ITPR2: variants seen among roughly 807,000 people sequenced by gnomAD.
ITPR2 encodes inositol 1,4,5-trisphosphate-gated calcium channel ITPR2.
ITPR2 carries 207 observed loss-of-function variants against 317.1 expected under a neutral mutation model. The ratio of observed to expected loss-of-function variants is 0.65; its 90% CI spans 0.58 to 0.73. The LOEUF is 0.73. Ranked by LOEUF, ITPR2 falls within the 30% of genes least tolerant of loss-of-function variation. ITPR2 has a pLI of 0.00. For missense variants in ITPR2, 2,613 were observed against 3,284.0 expected (o/e 0.80, Z 4.99); for synonymous variants, 1,156 against 1,149.1 (o/e 1.01, Z -0.12).
intron 34 of ITPR2, among the ~76,000 whole-genome samples, chr12:26,562,942 A>G (rs1261899245): frequency 6.6e-6 from 1 of 152,040 alleles, no homozygotes; most frequent in Non-Finnish European, 1.5e-5. Context: ...ATAACACAAA[A>G]CATGAAGAAA....
intron 9 of ITPR2, among the ~76,000 whole-genome samples, chr12:26,697,638 G>A (rs1478691637): frequency 1.1e-4 from 16 of 151,942 alleles, no homozygotes; most frequent in African/African-American, 2.9e-4. Flanking sequence ...GTAAGACCCC[G>A]TCTCTACTAA....
intron 54 of ITPR2, among the ~76,000 whole-genome samples, chr12:26,397,718 T>G (rs765242531): frequency 3.3e-4 from 50 of 152,124 alleles, no homozygotes; most frequent in Non-Finnish European, 6.0e-4. Flanking sequence ...TCAACAAAAG[T>G]TGAAGCAAGG....
In ITPR2 at chr12:26,790,142, A is replaced by G. The variant is rs1267982211; in HGVS notation, c.163+15T>C. On this transcript the variant is annotated intron_variant, in intron 2 of 56. Transcript: ENST00000381340. ...TCTTAGCTCACACAATTAAAAAAAT[A>G]TATGTATTTCTTACCTCTGAACTTC... 1.9e-6 allele frequency: 3 copies of G among 1,570,284 alleles called. No homozygotes were observed. Among genetic ancestry groups the G allele is most frequent in the Non-Finnish European group, 2.6e-6 (3 of 1,141,604 alleles).
intron 52 of ITPR2, among the ~76,000 whole-genome samples, chr12:26,402,966 TGGTCCCTAGGAAA>T (rs1940228625): frequency 6.6e-6 from 1 of 152,220 alleles, no homozygotes; most frequent in African/African-American, 2.4e-5. Context: ...AGAAAATTTA[TGGTCCCTAGGAAA>T]GGTGGGTCAG....
At chr12:26,363,537 A>T (rs1938909482) in intron 55 of ITPR2, among the ~76,000 whole-genome samples, 1 of 152,126 alleles carries the variant, frequency 6.6e-6, no homozygotes, top group African/African-American at 2.4e-5. Flanking sequence ...GGGACTGCTG[A>T]TCTAGATAAT....
intron 9 of ITPR2, among the ~76,000 whole-genome samples, chr12:26,696,519 C>G (rs1241973045): frequency 6.6e-6 from 1 of 152,024 alleles, no homozygotes; most frequent in Non-Finnish European, 1.5e-5. Context: ...CCTTCCAACT[C>G]ATCACTAAAT....
intron 37 of ITPR2, among the ~76,000 whole-genome samples, chr12:26,521,746 AAAC>A (rs1038757116): frequency 5.9e-5 from 9 of 152,348 alleles, no homozygotes; most frequent in Admixed American, 3.9e-4. Flanking sequence ...ATAGGAAAGG[AAAC>A]AACAACAACA....
intron 31 of ITPR2, among the ~76,000 whole-genome samples, chr12:26,596,525 T>C (rs1451103342): frequency 6.6e-6 from 1 of 151,698 alleles, no homozygotes; most frequent in African/African-American, 2.4e-5. Flanking sequence ...CACATGCCTG[T>C]AATCCCAGCC....
intron 45 of ITPR2, among the ~76,000 whole-genome samples, chr12:26,460,494 G>A (rs1941991395): frequency 6.6e-6 from 1 of 152,122 alleles, no homozygotes; most frequent in South Asian, 2.1e-4. Flanking sequence ...GCTTAGGTTG[G>A]TACCAGGAAA....
intron 45 of ITPR2, 120 bp downstream of exon 45, chr12:26,475,176 A>G (rs1389658803): frequency 4.3e-6 from 5 of 1,151,068 alleles, no homozygotes; most frequent in Non-Finnish European, 6.2e-6. Flanking sequence ...TTTAGCCCAA[A>G]CCTAGGATGG....
chr12:26,456,810 T>TTCTG (rs1941898000), intron 45 of ITPR2, among the ~76,000 whole-genome samples: 1 of 152,130 alleles, frequency 6.6e-6, no homozygotes, highest in Admixed American at 6.5e-5. Flanking sequence ...GTAGCTGGGA[T>TTCTG]TACAGGCACT....
intron 40 of ITPR2, 145 bp downstream of exon 40, chr12:26,486,923 T>C (rs1942683245): frequency 2.4e-6 from 2 of 837,648 alleles, no homozygotes; most frequent in South Asian, 1.4e-5. Flanking sequence ...GGTCACCCCA[T>C]GACCAAAATT....
At chr12:26,575,719 T>C (rs1043200717) in intron 34 of ITPR2, among the ~76,000 whole-genome samples, 10 of 152,188 alleles carry the variant, frequency 6.6e-5, no homozygotes, top group African/African-American at 2.4e-4. Context: ...TACTTAGAAA[T>C]AAAAGATGTA....
In ITPR2 at chr12:26,599,264, G is replaced by A. The variant is rs1486148393; in HGVS notation, c.3883C>T (p.His1295Tyr). 1.9e-6 allele frequency: 3 copies of A among 1,613,934 alleles called. No homozygotes were observed. The highest frequency in any genetic ancestry group is 2.5e-6 in the Non-Finnish European group (3 of 1,179,816). ...TGTGTCTCAATGCAGTGCACAAAGTGTTGTACAACTCTCTCGCTAATTTCG... is the reference window on the plus strand; with the variant it reads ...TGTGTCTCAATGCAGTGCACAAAGTATTGTACAACTCTCTCGCTAATTTCG... ...CNEISERVVQHFVHCIETHGR... is the reference protein window; with the variant it reads ...CNEISERVVQYFVHCIETHGR... Residue 1295 changes from histidine (H) to tyrosine (Y), a missense_variant, in exon 30 of 57, where the codon CAC (histidine) becomes TAC (tyrosine). Around this residue, in one of 9 missense-constraint regions of ITPR2, gnomAD observed 817 missense variants for 897.6 expected, o/e 0.91. Transcript: ENST00000381340.
intron 39 of ITPR2, among the ~76,000 whole-genome samples, chr12:26,491,471 A>T (rs868492070): frequency 3.6e-5 from 5 of 137,186 alleles, no homozygotes; most frequent in Admixed American, 7.7e-5. Flanking sequence ...CCACAGAGCA[A>T]GACTCCATCT....
At position 26,715,732 on chromosome 12, in the gene ITPR2, C is replaced by G; in HGVS notation, c.708+20G>C. ...TACCATCATTTCTCCCAGCAAATGT[C>G]CTGTGTAGCACATACTTACTCCTTT... On this transcript the variant is annotated intron_variant, in intron 7 of 56. Coordinates refer to ENST00000381340, the MANE Select transcript of ITPR2 (RefSeq NM_002223.4). 3.5e-6 allele frequency: 5 copies of G among 1,430,458 alleles called. No homozygotes were observed. Among genetic ancestry groups the G allele is most frequent in the Non-Finnish European group, 4.9e-6 (5 of 1,019,158 alleles). The allele number at this position is 1,430,458 out of a possible 1,614,324, so 88.6% of individuals were successfully genotyped here. A position where few individuals can be genotyped will look rare whatever the true frequency, so the allele number is the denominator to read the frequency against.
rs1230277194 is a variant in ITPR2 at position 26,516,285 on chromosome 12, GGGAAAGGAAAGGAAAGGAAA to G, written c.5074-21045_5074-21026del. ...AGGAAAGGAAAGGAAGGGAAGGGAAGGGAAAGGAAAGGAAAGGAAAGGAAAGGAAAGGAAAGGAAAGGAAA... is the reference window on the plus strand; with the variant it reads ...AGGAAAGGAAAGGAAGGGAAGGGAAGGGAAAGGAAAGGAAAGGAAAGGAAA... On this transcript the variant is annotated intron_variant, in intron 37 of 56. Transcript: ENST00000381340. 8.6e-4 allele frequency among the ~76,000 whole-genome samples: 37 copies of G among 42,828 alleles called. 1 individual carries two copies. Among genetic ancestry groups the G allele is most frequent in the Middle Eastern group, 0.011 (1 of 92 alleles). 28.1% of individuals were successfully genotyped at this position (42,828 alleles called of 152,430 possible). A position where few individuals can be genotyped will look rare whatever the true frequency, so the allele number is the denominator to read the frequency against.
chr12:26,442,462 C>T (rs1483255223), intron 46 of ITPR2, among the ~76,000 whole-genome samples: 1 of 152,118 alleles, frequency 6.6e-6, no homozygotes, highest in African/African-American at 2.4e-5. Context: ...AACAACAGCT[C>T]CCATCTCTCA....
intron 55 of ITPR2, among the ~76,000 whole-genome samples, chr12:26,341,392 G>T (rs1938108538): frequency 6.6e-6 from 1 of 152,110 alleles, no homozygotes; most frequent in African/African-American, 2.4e-5. Context: ...TCTGCCTGTG[G>T]GATCCCTAGA....
Sources: allele counts gnomAD v4.1 joint callset (sites outside exome capture counted in the v4.1 genomes callset), GRCh38; gene constraint gnomAD v4.1.1; regional missense constraint gnomAD v4.1.1; transcripts MANE v1.5; gene names NCBI Gene and HGNC (gene_info 2026-07-23, HGNC 2026-07-21).